PDE4D: variants seen among roughly 807,000 people sequenced by gnomAD.
PDE4D encodes 3',5'-cyclic-AMP phosphodiesterase 4D.
Under a neutral mutation model 87.4 loss-of-function variants are expected in PDE4D, and 24 were observed. The observed-to-expected ratio is 0.27, with a 90% CI of 0.20 to 0.39. The LOEUF (loss-of-function observed/expected upper bound fraction) is 0.39. PDE4D is among the 10% of genes least tolerant of loss of function. The pLI is 1.00. For missense variants in PDE4D, 714 were observed against 1,041.0 expected, an observed-to-expected ratio of 0.69 and a Z score of 4.32; for synonymous variants, 384 against 383.2, an observed-to-expected ratio of 1.00 and a Z score of -0.02.
rs367838520 is a variant in PDE4D at position 59,734,261 on chromosome 5, G to T, written c.455+158907C>A. On this transcript the variant is annotated intron_variant, in intron 1 of 14. Coordinates refer to ENST00000340635, the MANE Select transcript of PDE4D (RefSeq NM_001104631.2). ...TGACAGTTTAAGAAAAGAACCAATAGGATAAAATAGTGTATTCTATTCACA... is the reference window on the plus strand; with the variant it reads ...TGACAGTTTAAGAAAAGAACCAATATGATAAAATAGTGTATTCTATTCACA... Among the ~76,000 whole-genome samples, 45 of 151,954 alleles carry T rather than the reference G, an allele frequency of 3.0e-4. 2 individuals carry two copies. The South Asian group carries it at 9.1e-3, about 31-fold the overall frequency.
At chr5:59,371,024 C>T (rs1783844328) in intron 1 of PDE4D, among the ~76,000 whole-genome samples, 1 of 152,178 alleles carries the variant, frequency 6.6e-6, no homozygotes. Flanking sequence ...CATAAACTAT[C>T]TTAAAACATC....
chr5:59,943,325 AAGG>A (rs1481162403), intron 3 of PDE4D, among the ~76,000 whole-genome samples: 2 of 152,038 alleles, frequency 1.3e-5, no homozygotes, highest in Non-Finnish European at 2.9e-5. Context: ...CAAGTTGCTA[AAGG>A]AGTTCTTTGT....
intron 1 of PDE4D, chr5:59,529,242 C>T (rs567355185): frequency 4.2e-6 from 2 of 476,728 alleles, no homozygotes; most frequent in South Asian, 3.3e-5. Flanking sequence ...GAACATTTAA[C>T]ATCTCATATT....
intron 2 of PDE4D, among the ~76,000 whole-genome samples, chr5:60,103,335 T>C (rs17376788): frequency 0.14 from 21,328 of 152,090 alleles, 1,541 homozygotes; most frequent in Middle Eastern, 0.23. Context: ...ACTTCTGAAT[T>C]CAATCACAAC....
chr5:59,501,563 G>A (rs1808288197), intron 1 of PDE4D, among the ~76,000 whole-genome samples: 1 of 152,158 alleles, frequency 6.6e-6, no homozygotes, highest in African/African-American at 2.4e-5. Context: ...TCCAGAGGCA[G>A]AAGAAAGAGG....
chr5:59,795,354 A>G (rs1425026975), intron 1 of PDE4D, among the ~76,000 whole-genome samples: 3 of 152,150 alleles, frequency 2.0e-5, no homozygotes, highest in Non-Finnish European at 4.4e-5. Flanking sequence ...TCTCAGAAGG[A>G]AAAGGAAAGT....
intron 1 of PDE4D, among the ~76,000 whole-genome samples, chr5:59,661,074 T>TTATATATA (rs3062479): frequency 0.078 from 10,942 of 139,858 alleles, 505 homozygotes; most frequent in Non-Finnish European, 0.11. Context: ...CATGATAATA[T>TTATATATA]TATATATATA....
chr5:60,197,701 G>T (rs894677084), intron 1 of PDE4D, among the ~76,000 whole-genome samples: 14 of 151,506 alleles, frequency 9.2e-5, no homozygotes, highest in African/African-American at 3.4e-4. Flanking sequence ...AGGAGTCATT[G>T]CCGGCAGACT....
At chr5:59,943,406 T>A (rs1232368802) in intron 3 of PDE4D, among the ~76,000 whole-genome samples, 2 of 152,130 alleles carry the variant, frequency 1.3e-5, no homozygotes, top group Non-Finnish European at 2.9e-5. Flanking sequence ...ATCATAGATA[T>A]CTCTTACTCA....
chr5:59,429,370 G>A (rs1315268271), intron 1 of PDE4D, among the ~76,000 whole-genome samples: 1 of 152,098 alleles, frequency 6.6e-6, no homozygotes, highest in African/African-American at 2.4e-5. Context: ...ATAAAATATT[G>A]TCTCACAAAA....
At chr5:59,875,910 G>A (rs565314155) in intron 1 of PDE4D, among the ~76,000 whole-genome samples, 9 of 152,270 alleles carry the variant, frequency 5.9e-5, no homozygotes, top group Non-Finnish European at 1.5e-5. Context: ...GCTAAATGAT[G>A]AGAACACATG....
intron 1 of PDE4D, among the ~76,000 whole-genome samples, chr5:59,374,532 G>GTT (rs1327415405): frequency 1.3e-5 from 2 of 152,142 alleles, no homozygotes; most frequent in African/African-American, 4.8e-5. Flanking sequence ...CATAAAGCAA[G>GTT]TTCTTAGAGA....
intron 1 of PDE4D, among the ~76,000 whole-genome samples, chr5:59,313,810 T>A (rs760609710): frequency 3.3e-5 from 5 of 152,090 alleles, no homozygotes; most frequent in Non-Finnish European, 5.9e-5. Flanking sequence ...ATCTACAAAA[T>A]CTCAACTAAT....
At chr5:59,619,591 A>T (rs1971127) in intron 1 of PDE4D, among the ~76,000 whole-genome samples, 31,161 of 152,216 alleles carry the variant, frequency 0.2, 3,615 homozygotes, top group South Asian at 0.26. Flanking sequence ...AATATGGGGT[A>T]ACAGCAGAAA....
In PDE4D at chr5:59,395,248, G is replaced by A. The variant is rs139730780; in HGVS notation, c.456-179280C>T. Among the ~76,000 whole-genome samples, 1,334 of 152,300 alleles carry A rather than the reference G, an allele frequency of 8.8e-3. 23 individuals are homozygous for A. The highest frequency in any genetic ancestry group is 0.03 in the African/African-American group (1,262 of 41,554). ...CCCACCACAGCTCAAGGAGGCCTGC[G>A]TGCTTCTGTAGGCTCCAACTCTGGG... On this transcript the variant is annotated intron_variant, in intron 1 of 14. Coordinates refer to ENST00000340635, the MANE Select transcript of PDE4D (RefSeq NM_001104631.2).
chr5:59,292,156 C>G (rs879881851), intron 1 of PDE4D, among the ~76,000 whole-genome samples: 1 of 151,996 alleles, frequency 6.6e-6, no homozygotes, highest in Non-Finnish European at 1.5e-5. Context: ...GAAATTTAAG[C>G]CTTCATTCAG....
chr5:60,430,399 C>T (rs1583737744), intron 1 of PDE4D: 1 of 356,720 alleles, frequency 2.8e-6, no homozygotes, highest in Non-Finnish European at 5.5e-6. Context: ...CTTGGCCTTG[C>T]TTCTTTCCCT....
intron 2 of PDE4D, among the ~76,000 whole-genome samples, chr5:60,066,106 G>C (rs1005936383): frequency 6.6e-6 from 1 of 152,028 alleles, no homozygotes; most frequent in Non-Finnish European, 1.5e-5. Flanking sequence ...GTTGTTTCCT[G>C]ACTTTTTAAT....
At chr5:60,353,200 C>T (rs1759345177) in intron 1 of PDE4D, among the ~76,000 whole-genome samples, 1 of 152,140 alleles carries the variant, frequency 6.6e-6, no homozygotes, top group African/African-American at 2.4e-5. Context: ...GTTCCATAAC[C>T]ACAGTGCTTT....
Sources: allele counts gnomAD v4.1 joint callset (sites outside exome capture counted in the v4.1 genomes callset), GRCh38; gene constraint gnomAD v4.1.1; transcripts MANE v1.5; gene names NCBI Gene and HGNC (gene_info 2026-07-23, HGNC 2026-07-21).